The following EYS variants were observed in gnomAD, a reference collection of about 807,000 sequenced individuals.
The protein encoded by EYS is EGF-like photoreceptor maintenance factor, also known as protein eyes shut homolog.
Under a neutral mutation model 282.1 loss-of-function variants are expected in EYS, and 250 were observed. That is an observed-to-expected ratio of 0.89 (90% CI 0.80 to 0.98). The LOEUF (loss-of-function observed/expected upper bound fraction) is 0.98. Among genes scored for constraint, EYS ranks in the 50% least tolerant of loss-of-function variants. The pLI is 0.00. For synonymous variants in EYS, 1,355 were observed against 1,282.9 expected (o/e 1.06, Z -1.20); for missense variants, 4,016 against 3,709.0 (o/e 1.08, Z -2.15).
At chr6:64,708,294 A>G (rs555316149) in intron 22 of EYS, among the ~76,000 whole-genome samples, 1 of 152,328 alleles carries the variant, frequency 6.6e-6, no homozygotes, top group East Asian at 1.9e-4. Context: ...AACCCTTAAG[A>G]CACTTTATAT....
At chr6:65,125,062 G>T (rs1419247151) in intron 12 of EYS, among the ~76,000 whole-genome samples, 1 of 152,144 alleles carries the variant, frequency 6.6e-6, no homozygotes, top group African/African-American at 2.4e-5. Flanking sequence ...AACTAGGAAG[G>T]GTCATTTGTC....
intron 22 of EYS, among the ~76,000 whole-genome samples, chr6:64,662,101 G>C (rs1769050035): frequency 6.6e-6 from 1 of 151,648 alleles, no homozygotes; most frequent in African/African-American, 2.4e-5. Context: ...GATGAAGCTG[G>C]AAACCATCAT....
chr6:64,313,156 A>G (rs1769792898), intron 29 of EYS, among the ~76,000 whole-genome samples: 1 of 152,216 alleles, frequency 6.6e-6, no homozygotes, highest in South Asian at 2.1e-4. Context: ...ACGAATTGCT[A>G]ACTAGAATAA....
At chr6:63,986,028 T>C (rs1381032511) in intron 34 of EYS, among the ~76,000 whole-genome samples, 1 of 151,852 alleles carries the variant, frequency 6.6e-6, no homozygotes, top group East Asian at 1.9e-4. Context: ...ACTATGCATC[T>C]TACAAAGGTC....
chr6:64,021,752 C>T (rs1769203906), intron 33 of EYS, among the ~76,000 whole-genome samples: 1 of 152,192 alleles, frequency 6.6e-6, no homozygotes, highest in African/African-American at 2.4e-5. Flanking sequence ...CACCCCATCC[C>T]TGTTTCACCC....
At chr6:64,655,155 A>G (rs1318498996) in intron 22 of EYS, among the ~76,000 whole-genome samples, 1 of 152,220 alleles carries the variant, frequency 6.6e-6, no homozygotes. Context: ...AAGGTGATCA[A>G]GGACAGCTAT....
At chr6:64,910,483 A>G (rs532120085) in intron 16 of EYS, among the ~76,000 whole-genome samples, 16 of 152,232 alleles carry the variant, frequency 1.1e-4, no homozygotes, top group Non-Finnish European at 2.2e-4. Flanking sequence ...AAAAACATAG[A>G]TGCAAATTAG....
chr6:63,973,435 C>T lies in EYS; in HGVS notation c.7055+10948G>A, dbSNP rs972226464. ...TTTATTATTTGTGATGAAACAAATG[C>T]TTGATTTACATTTCAGATCCTAGGA... On this transcript the variant is annotated intron_variant, in intron 35 of 42. Transcript: ENST00000503581. Among the ~76,000 whole-genome samples the T allele has an allele frequency of 2.6e-5, 4 of 152,122 alleles. No homozygotes were observed. The East Asian group carries it at 7.7e-4, about 29-fold the overall frequency.
intron 15 of EYS, among the ~76,000 whole-genome samples, chr6:64,921,211 T>C (rs983945856): frequency 6.6e-6 from 1 of 152,182 alleles, no homozygotes; most frequent in African/African-American, 2.4e-5. Flanking sequence ...TTCTGAAATG[T>C]AACATAAATT....
intron 22 of EYS, among the ~76,000 whole-genome samples, chr6:64,666,844 T>A (rs1355587633): frequency 6.6e-6 from 1 of 152,226 alleles, no homozygotes; most frequent in East Asian, 1.9e-4. Context: ...ATGTAAGAAT[T>A]ATTTTTTTCT....
Position 63,726,514 on chromosome 6 carries a change from C to A in EYS, c.8233+5G>T. On this transcript the variant is annotated splice_donor_5th_base_variant and intron_variant, in intron 42 of 42. Transcript: ENST00000503581. ...TTCTGCAAACAAACAGCCTGCCAAT[C>A]TTACCTGATTGGGCTTTTAAGTGTT... The A allele has an allele frequency of 6.5e-7, 1 of 1,547,382 alleles. No homozygotes were observed. The highest frequency in any genetic ancestry group is 2.0e-5 in the Admixed American group (1 of 50,182).
chr6:64,259,116 C>G (rs1767496999), intron 30 of EYS, among the ~76,000 whole-genome samples: 1 of 152,006 alleles, frequency 6.6e-6, no homozygotes. Flanking sequence ...ATTCAAAGAC[C>G]TGCTCTTCCA....
chr6:65,289,683 C>CCTAA (rs1180693334), intron 12 of EYS, among the ~76,000 whole-genome samples: 1 of 151,144 alleles, frequency 6.6e-6, no homozygotes, highest in Non-Finnish European at 1.5e-5. Flanking sequence ...ATCCAACATT[C>CCTAA]CTAACTCCTT....
chr6:64,393,002 C>T (rs758564880), intron 28 of EYS, among the ~76,000 whole-genome samples: 33 of 152,332 alleles, frequency 2.2e-4, no homozygotes, highest in Non-Finnish European at 3.7e-4. Context: ...ACAAACACCT[C>T]TACGCAAATA....
intron 12 of EYS, among the ~76,000 whole-genome samples, chr6:65,124,884 C>T (rs1454159025): frequency 6.6e-6 from 1 of 152,128 alleles, no homozygotes; most frequent in Non-Finnish European, 1.5e-5. Context: ...AAAACTAGTC[C>T]AAGCCAATTA....
chr6:64,329,239 G>A (rs1770544501), intron 29 of EYS, among the ~76,000 whole-genome samples: 1 of 152,156 alleles, frequency 6.6e-6, no homozygotes, highest in Non-Finnish European at 1.5e-5. Context: ...GGAGCTACAG[G>A]AATAACAGAA....
At chr6:64,370,709 G>T (rs117301343) in intron 29 of EYS, among the ~76,000 whole-genome samples, 1 of 151,946 alleles carries the variant, frequency 6.6e-6, no homozygotes, top group Non-Finnish European at 1.5e-5. Context: ...CTTGTTATTG[G>T]TCTGTTCAGG....
At chr6:65,608,808 C>T (rs1765892217) in intron 2 of EYS, among the ~76,000 whole-genome samples, 1 of 151,968 alleles carries the variant, frequency 6.6e-6, no homozygotes, top group South Asian at 2.1e-4. Context: ...AAGATACAAA[C>T]ACACATATTA....
intron 29 of EYS, among the ~76,000 whole-genome samples, chr6:64,373,006 T>A (rs966186214): frequency 2.6e-5 from 4 of 152,112 alleles, no homozygotes; most frequent in Admixed American, 2.6e-4. Context: ...GTTTTGACTC[T>A]CTCCTGTATG....
Sources: gnomAD v4.1 joint callset for allele counts (sites outside exome capture counted in the v4.1 genomes callset) on GRCh38, gnomAD v4.1.1 for gene constraint, MANE v1.5 for transcripts, NCBI Gene and HGNC (gene_info 2026-07-23, HGNC 2026-07-21) for gene names.